The following AFG2A variants were observed in gnomAD, a reference collection of about 807,000 sequenced individuals.
AFG2A encodes the protein ATPase family gene 2 protein homolog A.
the AFG2A span, among the ~76,000 whole-genome samples, chr4:123,095,067 G>GTATATATATATATA: frequency 8.9e-6 from 1 of 112,616 alleles, no homozygotes; most frequent in African/African-American, 3.7e-5. Context: ...ATATATATAT[G>GTATATATATATATA]TGTGTGTGTG....
the AFG2A span, among the ~76,000 whole-genome samples, chr4:123,202,452 A>G: frequency 6.6e-6 from 1 of 152,066 alleles, no homozygotes; most frequent in Non-Finnish European, 1.5e-5. Context: ...CTTTCCTCTT[A>G]TTTTGTAACT....
chr4:123,011,894 CAGAG>C, the AFG2A span, among the ~76,000 whole-genome samples: 21 of 122,138 alleles, frequency 1.7e-4, no homozygotes, highest in Admixed American at 1.9e-3. Context: ...GGTAGAGACA[CAGAG>C]AGAAGGGGTG....
the AFG2A span, among the ~76,000 whole-genome samples, chr4:123,274,319 C>A: frequency 6.6e-6 from 1 of 151,736 alleles, no homozygotes; most frequent in African/African-American, 2.4e-5. Flanking sequence ...GAATGAAAGA[C>A]CGAATGCATA....
the AFG2A span, among the ~76,000 whole-genome samples, chr4:123,007,875 T>C: frequency 6.6e-6 from 1 of 151,970 alleles, no homozygotes; most frequent in East Asian, 2.0e-4. Context: ...GGAGCAATCA[T>C]AGGGCTCATC....
the AFG2A span, among the ~76,000 whole-genome samples, chr4:123,029,183 C>G: frequency 6.6e-6 from 1 of 152,104 alleles, no homozygotes; most frequent in East Asian, 1.9e-4. Flanking sequence ...CTGCAAGCTC[C>G]GCCTCCCAGG....
At chr4:123,118,443 G>C in the AFG2A span, among the ~76,000 whole-genome samples, 2 of 148,398 alleles carry the variant, frequency 1.3e-5, no homozygotes, top group African/African-American at 5.0e-5. Context: ...TTGCTTTTTT[G>C]ATTTAGCTCT....
the AFG2A span, among the ~76,000 whole-genome samples, chr4:123,059,812 C>T: frequency 6.6e-6 from 1 of 151,844 alleles, no homozygotes; most frequent in Non-Finnish European, 1.5e-5. Flanking sequence ...CTCTCCAGCA[C>T]CTGTTGTTTC....
At chr4:123,124,286 C>T in the AFG2A span, among the ~76,000 whole-genome samples, 95,594 of 152,008 alleles carry the variant, frequency 0.63, 35,409 homozygotes, top group East Asian at 0.97. Context: ...GGCACATATA[C>T]ACCATGGAAT....
At chr4:123,293,772 G>A in the AFG2A span, among the ~76,000 whole-genome samples, 2 of 152,192 alleles carry the variant, frequency 1.3e-5, no homozygotes, top group Non-Finnish European at 2.9e-5. Context: ...GAGACACTCT[G>A]CCTGAGTTCA....
At chr4:122,925,156 C>T in the AFG2A span, among the ~76,000 whole-genome samples, 4 of 152,184 alleles carry the variant, frequency 2.6e-5, no homozygotes. Flanking sequence ...CCATATCTCA[C>T]ATACCTAGTC....
the AFG2A span, among the ~76,000 whole-genome samples, chr4:123,236,963 A>G: frequency 6.6e-6 from 1 of 152,190 alleles, no homozygotes; most frequent in Non-Finnish European, 1.5e-5. Context: ...GCCTGGACCT[A>G]GACTGATTGA....
the AFG2A span, among the ~76,000 whole-genome samples, chr4:123,149,060 C>T: frequency 9.9e-5 from 15 of 152,094 alleles, no homozygotes; most frequent in East Asian, 5.8e-4. Context: ...TGAGCCACGG[C>T]GCCTGGCACA....
the AFG2A span, among the ~76,000 whole-genome samples, chr4:123,154,764 A>G: frequency 1.3e-5 from 2 of 152,350 alleles, no homozygotes; most frequent in African/African-American, 2.4e-5. Flanking sequence ...AGAGAAAAGC[A>G]TAGTGCCTAG....
At chr4:122,985,247 T>A in the AFG2A span, among the ~76,000 whole-genome samples, 1 of 151,070 alleles carries the variant, frequency 6.6e-6, no homozygotes, top group African/African-American at 2.4e-5. Flanking sequence ...TCCCTCAGCC[T>A]CCCAAGTAGC....
At chr4:122,968,111 G>C in the AFG2A span, among the ~76,000 whole-genome samples, 75 of 151,952 alleles carry the variant, frequency 4.9e-4, no homozygotes, top group East Asian at 0.012. Flanking sequence ...AGTTAGTGTG[G>C]TACCTTTGTT....
the AFG2A span, among the ~76,000 whole-genome samples, chr4:123,187,401 A>G: frequency 1.3e-5 from 2 of 152,210 alleles, no homozygotes; most frequent in Non-Finnish European, 2.9e-5. Flanking sequence ...GCATTGAGTT[A>G]CCCAACGTAT....
At chr4:123,187,510 A>G in the AFG2A span, among the ~76,000 whole-genome samples, 2 of 152,228 alleles carry the variant, frequency 1.3e-5, no homozygotes, top group Non-Finnish European at 2.9e-5. Flanking sequence ...TATGGAGACA[A>G]TATAGTCTTT....
At chr4:123,021,164 A>G in the AFG2A span, among the ~76,000 whole-genome samples, 599 of 151,434 alleles carry the variant, frequency 4.0e-3, 4 homozygotes, top group Non-Finnish European at 5.7e-3. Flanking sequence ...ATTTCCTCTT[A>G]TATTCCATAC....
chr4:123,115,670 G>A, the AFG2A span, among the ~76,000 whole-genome samples: 1 of 152,034 alleles, frequency 6.6e-6, no homozygotes, highest in African/African-American at 2.4e-5. Flanking sequence ...GGTACCGTTC[G>A]CCTTGGAGTC....
Sources: gnomAD v4.1 joint callset for allele counts (sites outside exome capture counted in the v4.1 genomes callset) on GRCh38, gnomAD v4.1.1 for gene constraint, MANE v1.5 for transcripts, NCBI Gene and HGNC (gene_info 2026-07-23, HGNC 2026-07-21) for gene names.